The following AOPEP variants were observed in gnomAD, a reference collection of about 807,000 sequenced individuals.
AOPEP encodes the protein aminopeptidase O.
AOPEP carries 77 observed loss-of-function variants against 98.1 expected under a neutral mutation model. The observed-to-expected ratio is 0.78, with a 90% CI of 0.65 to 0.95. The LOEUF (loss-of-function observed/expected upper bound fraction) is 0.95, where lower values mean the gene tolerates loss of function less well. Ranked by LOEUF, AOPEP falls within the 40% of genes least tolerant of loss-of-function variation. AOPEP has a pLI of 0.00. For missense variants in AOPEP, 1,024 were observed against 1,024.7 expected (o/e 1.00, Z 0.01); for synonymous variants, 346 against 365.3 (o/e 0.95, Z 0.60).
At chr9:94,777,929 A>C (rs771439935) in intron 3 of AOPEP, among the ~76,000 whole-genome samples, 5 of 152,092 alleles carry the variant, frequency 3.3e-5, no homozygotes, top group Admixed American at 6.6e-5. Flanking sequence ...TGGCCTATAA[A>C]GTATTCTTAT....
chr9:95,033,990 CCTTG>C (rs2133414684), intron 13 of AOPEP, among the ~76,000 whole-genome samples: 1 of 152,112 alleles, frequency 6.6e-6, no homozygotes, highest in South Asian at 2.1e-4. Context: ...TGTTTTCTCC[CCTTG>C]CTTTGCTGTC....
intron 14 of AOPEP, among the ~76,000 whole-genome samples, chr9:95,071,305 C>T (rs2169819): frequency 7.7e-6 from 1 of 130,294 alleles, no homozygotes; most frequent in Admixed American, 8.2e-5. Context: ...CACACACACA[C>T]AAAAAAATGC....
intron 11 of AOPEP, among the ~76,000 whole-genome samples, chr9:94,990,978 T>G (rs1272252940): frequency 7.9e-5 from 12 of 152,198 alleles, no homozygotes; most frequent in Non-Finnish European, 2.9e-5. Context: ...ACCTGGAAGG[T>G]AAAGCCCGGC....
intron 2 of AOPEP, 33 bp downstream of exon 2, chr9:94,760,613 C>T (rs775353831): frequency 6.7e-7 from 1 of 1,498,310 alleles, no homozygotes; most frequent in Non-Finnish European, 9.0e-7. Context: ...AGCCCTGTGC[C>T]TGTTAATCTT....
At chr9:94,897,000 T>G (rs373132725) in intron 5 of AOPEP, among the ~76,000 whole-genome samples, 1 of 151,878 alleles carries the variant, frequency 6.6e-6, no homozygotes, top group East Asian at 1.9e-4. Flanking sequence ...GCACCAAAAT[T>G]TGAATGTGAA....
chr9:94,769,501 T>G (rs974608438), intron 2 of AOPEP, among the ~76,000 whole-genome samples: 2 of 152,172 alleles, frequency 1.3e-5, no homozygotes, highest in African/African-American at 4.8e-5. Context: ...GACCTCCCTC[T>G]TATGTGATTG....
chr9:95,111,280 A>AG, the AOPEP span: 1 of 1,560,738 alleles, frequency 6.4e-7, no homozygotes, highest in African/African-American at 1.4e-5. Flanking sequence ...CGGTGGGGAC[A>AG]GGAGAACGCC....
chr9:94,947,007 C>T (rs539981584), intron 7 of AOPEP, among the ~76,000 whole-genome samples: 3 of 150,152 alleles, frequency 2.0e-5, no homozygotes, highest in South Asian at 2.1e-4. Flanking sequence ...GATAGAGTCT[C>T]GCTCTGTCGC....
chr9:94,752,746 C>T lies in AOPEP; in HGVS notation c.-135-6903C>T, dbSNP rs116999974. Among the ~76,000 whole-genome samples, 54 of 152,282 alleles carry T rather than the reference C, an allele frequency of 3.5e-4. No homozygotes were observed. The East Asian group carries it at 9.8e-3, about 28-fold the overall frequency. On this transcript the variant is annotated intron_variant, in intron 1 of 16. Coordinates refer to ENST00000375315, the MANE Select transcript of AOPEP (RefSeq NM_001193329.3). The stretch of plus-strand genomic sequence containing the variant: ...TCTTCCATGCTTTTCTACAGTATAC[C>T]TTGCTACTCCCCCATCAAAAGATGG...
the AOPEP span, chr9:95,150,032 G>C: frequency 6.2e-7 from 1 of 1,614,104 alleles, no homozygotes; most frequent in South Asian, 1.1e-5. Flanking sequence ...ACATCTGTCA[G>C]GGTAATAAGT....
At chr9:95,062,615 A>G (rs1316311893) in intron 14 of AOPEP, among the ~76,000 whole-genome samples, 1 of 152,190 alleles carries the variant, frequency 6.6e-6, no homozygotes, top group Non-Finnish European at 1.5e-5. Flanking sequence ...GGAAGAAAGG[A>G]GGGACGAGAT....
At position 95,009,483 on chromosome 9, in the gene AOPEP, G is replaced by A. The variant is rs559022268; in HGVS notation, c.2115+3867G>A. ...TCCTAGTCTATATATATAGTAAGCG[G>A]AGAACTAGTTTTACAGTGCTCATTT... On this transcript the variant is annotated intron_variant, in intron 13 of 16. Coordinates refer to ENST00000375315, the MANE Select transcript of AOPEP (RefSeq NM_001193329.3). Among the ~76,000 whole-genome samples, 14 of 152,216 alleles carry A rather than the reference G, an allele frequency of 9.2e-5. No homozygotes were observed. The South Asian group carries it at 2.7e-3, about 29-fold the overall frequency.
chr9:94,793,926 A>G (rs1846333232), intron 4 of AOPEP, among the ~76,000 whole-genome samples: 2 of 152,184 alleles, frequency 1.3e-5, no homozygotes, highest in Admixed American at 6.5e-5. Context: ...ATTACTTTCT[A>G]TGCTACTCTG....
At chr9:95,100,856 C>T in the AOPEP span, 1 of 230,832 alleles carries the variant, frequency 4.3e-6, no homozygotes, top group African/African-American at 2.2e-5. Context: ...TCTGGAACTC[C>T]TGGGCTGAAG....
chr9:94,842,636 T>C lies in AOPEP; in HGVS notation c.1364+41634T>C, dbSNP rs182072599. The stretch of plus-strand genomic sequence containing the variant: ...CCAGATATTTACCATTTCTGTTCTT[T>C]CTTCATTTCTGATGTTTGAGGTTTC... On this transcript the variant is annotated intron_variant, in intron 5 of 16. Transcript: ENST00000375315. Among the ~76,000 whole-genome samples the C allele has an allele frequency of 3.0e-3, 461 of 152,340 alleles. 1 individual carries two copies. The highest frequency in any genetic ancestry group is 5.1e-3 in the Non-Finnish European group (347 of 68,036).
At chr9:94,761,405 C>T (rs72747035) in intron 2 of AOPEP, among the ~76,000 whole-genome samples, 11,776 of 152,008 alleles carry the variant, frequency 0.077, 1,324 homozygotes, top group African/African-American at 0.25. Context: ...TTGATTCCTC[C>T]GTATTTTACC....
At chr9:95,109,236 T>C in the AOPEP span, among the ~76,000 whole-genome samples, 1 of 152,216 alleles carries the variant, frequency 6.6e-6, no homozygotes, top group African/African-American at 2.4e-5. Flanking sequence ...TCATGGTATG[T>C]AACAGAATGC....
chr9:95,138,145 G>A, the AOPEP span, among the ~76,000 whole-genome samples: 6 of 152,350 alleles, frequency 3.9e-5, no homozygotes, highest in South Asian at 2.1e-4. Flanking sequence ...TCCCCTCCCC[G>A]CACAGAAGAG....
chr9:94,772,439 C>T (rs936112582), intron 2 of AOPEP, among the ~76,000 whole-genome samples: 9 of 152,194 alleles, frequency 5.9e-5, no homozygotes, highest in Non-Finnish European at 8.8e-5. Flanking sequence ...GTTGTTGTGA[C>T]CCACAGTCCT....
Sources: gnomAD v4.1 joint callset for allele counts (sites outside exome capture counted in the v4.1 genomes callset) on GRCh38, gnomAD v4.1.1 for gene constraint, MANE v1.5 for transcripts, NCBI Gene and HGNC (gene_info 2026-07-23, HGNC 2026-07-21) for gene names.